PATJ: variants seen among roughly 807,000 people sequenced by gnomAD.
PATJ encodes the protein PATJ crumbs cell polarity complex component, also known as inaD-like protein.
Under a neutral mutation model 224.9 loss-of-function variants are expected in PATJ, and 190 were observed. That is an observed-to-expected ratio of 0.84 (90% CI 0.75 to 0.95). The LOEUF is 0.95. Among genes scored for constraint, PATJ ranks in the 40% least tolerant of loss-of-function variants. PATJ has a pLI of 0.00. For missense variants in PATJ, 2,121 were observed against 2,270.3 expected, an observed-to-expected ratio of 0.93 and a Z score of 1.34; for synonymous variants, 769 against 820.3, an observed-to-expected ratio of 0.94 and a Z score of 1.07.
chr1:61,884,486 C>T (rs926428769), intron 22 of PATJ, 78 bp downstream of exon 22: 11 of 981,156 alleles, frequency 1.1e-5, no homozygotes, highest in African/African-American at 8.1e-5. Flanking sequence ...TTAAAAAATG[C>T]GTGATTTTGG....
intron 41 of PATJ, among the ~76,000 whole-genome samples, chr1:62,135,555 G>A (rs1289750005): frequency 2.0e-5 from 3 of 147,310 alleles, no homozygotes; most frequent in Non-Finnish European, 4.5e-5. Context: ...TTAATGCCAT[G>A]AAGACAGTGA....
chr1:61,994,799 C>A (rs146903768), intron 28 of PATJ, among the ~76,000 whole-genome samples: 1 of 152,152 alleles, frequency 6.6e-6, no homozygotes, highest in Non-Finnish European at 1.5e-5. Flanking sequence ...GGTGATCCAC[C>A]TGCCTCAGCC....
At chr1:61,768,494 A>G (rs186592386) in intron 4 of PATJ, among the ~76,000 whole-genome samples, 6 of 151,888 alleles carry the variant, frequency 4.0e-5, no homozygotes, top group African/African-American at 9.7e-5. Flanking sequence ...TAAATAAATA[A>G]ATAGATATCA....
intron 29 of PATJ, among the ~76,000 whole-genome samples, chr1:62,034,582 C>T (rs186203667): frequency 6.6e-6 from 1 of 152,242 alleles, no homozygotes; most frequent in East Asian, 1.9e-4. Context: ...TGCCTTCTCT[C>T]CTTTGGTTGC....
At chr1:62,147,834 G>A (rs1157847335) in intron 41 of PATJ, among the ~76,000 whole-genome samples, 1 of 151,320 alleles carries the variant, frequency 6.6e-6, no homozygotes, top group Non-Finnish European at 1.5e-5. Flanking sequence ...ATGGTGGTGG[G>A]TGCCTGTAAT....
chr1:61,954,447 T>A (rs1298871053), intron 27 of PATJ, among the ~76,000 whole-genome samples: 1 of 152,222 alleles, frequency 6.6e-6, no homozygotes, highest in Non-Finnish European at 1.5e-5. Flanking sequence ...TCAGTAGTTT[T>A]ATGTCACTTT....
intron 7 of PATJ, among the ~76,000 whole-genome samples, chr1:61,786,917 C>T (rs1022348987): frequency 9.9e-5 from 15 of 152,024 alleles, no homozygotes; most frequent in Non-Finnish European, 1.8e-4. Context: ...ACCTGGGAGG[C>T]GGAGGTTGCA....
At position 61,875,298 on chromosome 1, in the gene PATJ, A is replaced by G. The variant is rs745503565; in HGVS notation, c.2891A>G (p.Asn964Ser). ...CCATCTGTACCATCAACTGAAGGAA[A>G]CAGTCAACAAGGCAGATTTGACGAC... is the stretch of plus-strand genomic sequence containing the variant. ...SLPSVPSTEGNSQQGRFDDLE... is the reference protein window; with the variant it reads ...SLPSVPSTEGSSQQGRFDDLE... Residue 964 changes from asparagine (N) to serine (S), a missense_variant, in exon 21 of 44, where the codon AAC (asparagine) becomes AGC (serine). Asn to Ser is a conservative substitution (Grantham distance 46, BLOSUM62 1). Coordinates refer to ENST00000642238, the MANE Select transcript of PATJ (RefSeq NM_001350145.3). The G allele has an allele frequency of 2.7e-5, 44 of 1,609,574 alleles. No individual in the cohort carries two copies. Among genetic ancestry groups the G allele is most frequent in the Non-Finnish European group, 3.7e-5 (44 of 1,176,362 alleles).
At chr1:62,113,115 A>G (rs1030608385) in intron 34 of PATJ, among the ~76,000 whole-genome samples, 3 of 152,244 alleles carry the variant, frequency 2.0e-5, no homozygotes, top group Non-Finnish European at 2.9e-5. Context: ...TAATTTGGCT[A>G]TAATGTCTAT....
chr1:62,004,170 C>T (rs1469010484), intron 28 of PATJ, among the ~76,000 whole-genome samples: 1 of 152,206 alleles, frequency 6.6e-6, no homozygotes, highest in Admixed American at 6.5e-5. Flanking sequence ...AACCATGTCA[C>T]TTACAGAGTA....
At chr1:62,068,838 A>G (rs887682855) in intron 31 of PATJ, among the ~76,000 whole-genome samples, 1 of 152,200 alleles carries the variant, frequency 6.6e-6, no homozygotes, top group Non-Finnish European at 1.5e-5. Context: ...TGCTGCCAGA[A>G]TGTGTCATAT....
intron 25 of PATJ, among the ~76,000 whole-genome samples, chr1:61,913,419 GCTGGT>G (rs1250011621): frequency 6.6e-6 from 1 of 152,090 alleles, no homozygotes; most frequent in Non-Finnish European, 1.5e-5. Flanking sequence ...TGTTGTCCAG[GCTGGT>G]CTCAAACTCC....
At chr1:62,007,470 G>A (rs1360403841) in intron 28 of PATJ, among the ~76,000 whole-genome samples, 1 of 152,156 alleles carries the variant, frequency 6.6e-6, no homozygotes, top group Non-Finnish European at 1.5e-5. Context: ...GGATGCCAAG[G>A]CAAATTACTG....
At chr1:61,820,663 T>A (rs1438826985) in intron 14 of PATJ, among the ~76,000 whole-genome samples, 1 of 152,176 alleles carries the variant, frequency 6.6e-6, no homozygotes, top group Non-Finnish European at 1.5e-5. Flanking sequence ...TTATTAATTG[T>A]AACTTTATAT....
At chr1:61,948,731 T>C (rs1385401953) in intron 27 of PATJ, among the ~76,000 whole-genome samples, 1 of 152,190 alleles carries the variant, frequency 6.6e-6, no homozygotes, top group Non-Finnish European at 1.5e-5. Flanking sequence ...CCCAAAGGAC[T>C]ATAAATCATG....
chr1:62,037,339 T>G (rs1650616744), intron 29 of PATJ, among the ~76,000 whole-genome samples: 1 of 151,970 alleles, frequency 6.6e-6, no homozygotes, highest in Non-Finnish European at 1.5e-5. Context: ...TCAGAACCAG[T>G]ATTATAGGTT....
intron 42 of PATJ, among the ~76,000 whole-genome samples, chr1:62,150,050 G>A (rs1232842789): frequency 6.6e-6 from 1 of 152,138 alleles, no homozygotes; most frequent in East Asian, 1.9e-4. Flanking sequence ...TGGGCATCTA[G>A]CTTCTCATTC....
intron 42 of PATJ, among the ~76,000 whole-genome samples, chr1:62,150,935 G>A (rs571839443): frequency 6.6e-6 from 1 of 152,254 alleles, no homozygotes; most frequent in South Asian, 2.1e-4. Flanking sequence ...CTGAGGTCAG[G>A]AGTTCAAGAC....
chr1:61,988,896 T>C (rs1644910973), intron 27 of PATJ, among the ~76,000 whole-genome samples: 1 of 152,170 alleles, frequency 6.6e-6, no homozygotes, highest in Non-Finnish European at 1.5e-5. Context: ...GGACAGCAAA[T>C]GTAATATAAG....
Sources: gnomAD v4.1 joint callset for allele counts (sites outside exome capture counted in the v4.1 genomes callset) on GRCh38, gnomAD v4.1.1 for gene constraint, MANE v1.5 for transcripts, NCBI Gene and HGNC (gene_info 2026-07-23, HGNC 2026-07-21) for gene names.